Variants in CNTRL observed in about 807,000 individuals in gnomAD.
CNTRL encodes 110 kDa centrosomal protein.
In CNTRL, 233 loss-of-function variants were observed where a neutral mutation model predicts 303.7. The observed-to-expected ratio is 0.77, with a 90% CI of 0.69 to 0.86. The LOEUF is 0.86. Ranked by LOEUF, CNTRL falls within the 40% of genes least tolerant of loss-of-function variation. CNTRL has a pLI of 0.00. For synonymous variants in CNTRL, 900 were observed against 922.2 expected, an observed-to-expected ratio of 0.98 and a Z score of 0.44; for missense variants, 2,524 against 2,650.6, an observed-to-expected ratio of 0.95 and a Z score of 1.05.
chr9:121,092,446 A>AG lies in CNTRL; in HGVS notation c.348+2041_348+2042insG, dbSNP rs71370626. On this transcript the variant is annotated intron_variant, in intron 4 of 43. Coordinates refer to ENST00000373855, the MANE Select transcript of CNTRL (RefSeq NM_007018.6). The stretch of plus-strand genomic sequence containing the variant: ...GTGAGATATAGATAGATAGATAGAT[A>AG]ATATATATCTATATATATATAATAT... Among the ~76,000 whole-genome samples the AG allele has an allele frequency of 1.6e-4, 18 of 111,632 alleles. 1 individual carries two copies. Among genetic ancestry groups the AG allele is most frequent in the Admixed American group, 3.1e-4 (3 of 9,670 alleles). 73.2% of individuals were successfully genotyped at this position (111,632 alleles called of 152,430 possible). A position where few individuals can be genotyped will look rare whatever the true frequency, so the allele number is the denominator to read the frequency against.
chr9:121,096,771 G>C (rs1275538945), intron 6 of CNTRL, among the ~76,000 whole-genome samples: 1 of 152,056 alleles, frequency 6.6e-6, no homozygotes, highest in Non-Finnish European at 1.5e-5. Context: ...ACCTAGGGTT[G>C]ACCTCTTAGC....
rs754845351 is a variant in CNTRL at position 121,124,099 on chromosome 9, A to G, written c.1804+15A>G. ...GCTTACTGAAGGTAAGACTTTCAGT[A>G]TGATTTAAGGTAAATCAGTGTTATT... On this transcript the variant is annotated intron_variant, in intron 13 of 43. Coordinates refer to ENST00000373855, the MANE Select transcript of CNTRL (RefSeq NM_007018.6). 2.5e-6 allele frequency: 4 copies of G among 1,597,064 alleles called. No homozygotes were observed. The highest frequency in any genetic ancestry group is 3.4e-6 in the Non-Finnish European group (4 of 1,173,348).
intron 24 of CNTRL, among the ~76,000 whole-genome samples, chr9:121,149,484 C>T (rs1054087251): frequency 5.3e-5 from 8 of 151,952 alleles, no homozygotes; most frequent in African/African-American, 1.9e-4. Flanking sequence ...TTACTGCAAC[C>T]TCCGCCTCCT....
chr9:121,126,000 G>C (rs1012272948), intron 14 of CNTRL, 64 bp downstream of exon 14: 3 of 1,311,500 alleles, frequency 2.3e-6, no homozygotes, highest in Non-Finnish European at 3.3e-6. Context: ...AATTAAGTTA[G>C]TTGGAGGAGG....
intron 15 of CNTRL, 33 bp from the exon 16 acceptor site, chr9:121,138,512 A>T: frequency 6.3e-7 from 1 of 1,598,704 alleles, no homozygotes. Flanking sequence ...TTGCTGTTTT[A>T]CACTTTCATG....
rs555680098 is a variant in CNTRL at position 121,116,482 on chromosome 9, G to A, written c.1455+1282G>A. ...ACTACAGGCATGTGCCATCACTCCC[G>A]GCTAATTTTTTATATTTTTTTGTAG... On this transcript the variant is annotated intron_variant, in intron 11 of 43. Transcript: ENST00000373855. Among the ~76,000 whole-genome samples the A allele has an allele frequency of 8.6e-5, 13 of 152,034 alleles. No homozygotes were observed. In the South Asian group the frequency reaches 2.3e-3, roughly 27 times the overall value.
intron 7 of CNTRL, among the ~76,000 whole-genome samples, chr9:121,103,386 A>G (rs1343046383): frequency 6.6e-6 from 1 of 152,234 alleles, no homozygotes; most frequent in African/African-American, 2.4e-5. Flanking sequence ...TACACCTTAT[A>G]CAAAAATTAA....
chr9:121,132,302 C>G (rs1403210461), intron 14 of CNTRL, among the ~76,000 whole-genome samples: 1 of 152,126 alleles, frequency 6.6e-6, no homozygotes, highest in Non-Finnish European at 1.5e-5. Flanking sequence ...TCACATAGTC[C>G]CATATTTCTT....
chr9:121,161,331 T>A, intron 32 of CNTRL: 1 of 415,896 alleles, frequency 2.4e-6, no homozygotes, highest in South Asian at 8.3e-5. Context: ...AAAGTTAATA[T>A]TTAAATATCT....
Position 121,158,920 on chromosome 9 carries a change from G to C in CNTRL, c.4830G>C (p.Leu1610=). The C allele has an allele frequency of 6.2e-7, 1 of 1,614,164 alleles. No individual in the cohort carries two copies. Among genetic ancestry groups the C allele is most frequent in the Non-Finnish European group, 8.5e-7 (1 of 1,180,014 alleles). ...AGTTAGGGCATAAAAAGGAGGAGCT[G>C]CATCTACTCCAAGGAAGCATGGTCC... ...DRQLGHKKEE[L]HLLQGSMVQA... Residue 1610 remains leucine, a synonymous_variant, in exon 31 of 44, where the codon CTG becomes CTC. Coordinates refer to ENST00000373855, the MANE Select transcript of CNTRL (RefSeq NM_007018.6).
At chr9:121,131,671 T>C (rs1327616491) in intron 14 of CNTRL, among the ~76,000 whole-genome samples, 1 of 152,170 alleles carries the variant, frequency 6.6e-6, no homozygotes, top group Non-Finnish European at 1.5e-5. Context: ...TTGATCCTGT[T>C]GTTATGATGC....
In CNTRL at chr9:121,090,284, C is replaced by G. The variant is rs1243917045; in HGVS notation, c.227C>G (p.Ser76Ter). The change falls in exon 4 of 44, where the codon TCA becomes TGA. Residue 76 changes from serine (S) to a stop codon, truncating the protein, a stop_gained. Coordinates refer to ENST00000373855, the MANE Select transcript of CNTRL (RefSeq NM_007018.6). LOFTEE classifies it high-confidence loss of function. The part of the protein sequence containing the change: ...LDYQDHKGAD[S>*]HAGVRYITEA... ...GTTTCTATAATTTCAGGAGCTGATT[C>G]ACATGCAGGAGTTAGATATATTACA... 1 of 1,597,372 alleles carries G rather than the reference C, an allele frequency of 6.3e-7. No homozygotes were observed. Among genetic ancestry groups the G allele is most frequent in the South Asian group, 1.1e-5 (1 of 87,466 alleles).
At position 121,125,793 on chromosome 9, in the gene CNTRL, A is replaced by G. The variant is rs1564238314; in HGVS notation, c.1882A>G (p.Ile628Val). The G allele has an allele frequency of 3.7e-6, 6 of 1,614,104 alleles. No homozygotes were observed. Among genetic ancestry groups the G allele is most frequent in the Non-Finnish European group, 4.2e-6 (5 of 1,180,024 alleles). The change falls in exon 14 of 44, where the codon ATT becomes GTT. Residue 628 changes from isoleucine (I) to valine (V), a missense_variant. By Grantham distance (29) the Ile-to-Val change is conservative. Transcript: ENST00000373855. ...TGGGTTGCAAGAATACCTGGGGACC[A>G]TTAAAGGCCAGGCAACTCAGGCCCA... ...ISGLQEYLGTIKGQATQAQNE... is the reference protein window; with the variant it reads ...ISGLQEYLGTVKGQATQAQNE...
intron 39 of CNTRL, among the ~76,000 whole-genome samples, chr9:121,170,340 C>T (rs1383582511): frequency 1.3e-5 from 2 of 152,074 alleles, no homozygotes. Context: ...GATGGGGTTT[C>T]ACCAGGTTGA....
intron 38 of CNTRL, 70 bp downstream of exon 38, chr9:121,168,391 A>G: frequency 7.2e-7 from 1 of 1,397,102 alleles, no homozygotes; most frequent in South Asian, 1.2e-5. Flanking sequence ...TTGCAAAAGT[A>G]TTTAAAGAGA....
chr9:121,145,446 A>C, intron 22 of CNTRL, 61 bp downstream of exon 22: 149 of 1,500,466 alleles, frequency 9.9e-5, no homozygotes, highest in Middle Eastern at 1.8e-4. Context: ...AAATCATCTC[A>C]TTTGTTTTTT....
chr9:121,119,311 C>T (rs1483012428), intron 12 of CNTRL, among the ~76,000 whole-genome samples: 3 of 145,618 alleles, frequency 2.1e-5, no homozygotes, highest in Non-Finnish European at 1.5e-5. Context: ...CTCTCTCTCT[C>T]TCTTTTTTTT....
At chr9:121,095,137 T>C (rs1443382284) in intron 5 of CNTRL, 119 bp downstream of exon 5, 2 of 767,984 alleles carry the variant, frequency 2.6e-6, no homozygotes, top group Non-Finnish European at 4.0e-6. Flanking sequence ...ATTTTTATCT[T>C]TATTCATCAA....
intron 19 of CNTRL, 27 bp downstream of exon 19, chr9:121,142,297 C>T (rs758974729): frequency 3.2e-6 from 5 of 1,574,644 alleles, no homozygotes; most frequent in Non-Finnish European, 4.3e-6. Flanking sequence ...AAATGAGACA[C>T]ATAAGTACCT....
Sources: allele counts gnomAD v4.1 joint callset (sites outside exome capture counted in the v4.1 genomes callset), GRCh38; gene constraint gnomAD v4.1.1; transcripts MANE v1.5; gene names NCBI Gene and HGNC (gene_info 2026-07-23, HGNC 2026-07-21).